MUC5AC: variants seen among roughly 807,000 people sequenced by gnomAD.
MUC5AC encodes mucin 5AC, oligomeric mucus/gel-forming.
Under a neutral mutation model 169.7 loss-of-function variants are expected in MUC5AC, and 158 were observed. That is an observed-to-expected ratio of 0.93 (90% CI 0.82 to 1.06). MUC5AC has a LOEUF of 1.06. Ranked by LOEUF, MUC5AC falls within the 50% of genes least tolerant of loss-of-function variation. MUC5AC has a pLI of 0.00. For missense variants in MUC5AC, 4,359 were observed against 3,089.9 expected (o/e 1.41, Z -9.74); for synonymous variants, 1,975 against 1,237.0 (o/e 1.60, Z -12.52).
At position 1,184,452 on chromosome 11, in the gene MUC5AC, G is replaced by A. The variant is rs1353093549; in HGVS notation, c.6307G>A (p.Val2103Ile). Residue 2103 changes from valine to isoleucine, a missense_variant, in exon 31 of 49, where the codon GTC (valine) becomes ATC (isoleucine). Val to Ile is a conservative substitution (Grantham distance 29, BLOSUM62 3). Transcript: ENST00000621226. ...CAGGGGTGGGCCCACAGCAACCAGC[G>A]TCACACAGGGCACCCACACCACACC... ...TSRGGPTATS[V>I]TQGTHTTPVT... 2.8e-3 allele frequency: 1,657 copies of A among 585,016 alleles called. 2 individuals are homozygous for A. Among genetic ancestry groups the A allele is most frequent in the African/African-American group, 0.02 (1,067 of 53,440 alleles). 36.2% of individuals were successfully genotyped at this position (585,016 alleles called of 1,614,324 possible).
At chr11:1,179,314 C>A in intron 26 of MUC5AC, 66 bp downstream of exon 26, 2 of 451,456 alleles carry the variant, frequency 4.4e-6, no homozygotes, top group Non-Finnish European at 7.6e-6. Context: ...ACCACACTCG[C>A]CGCTGATGCG....
chr11:1,173,746 AC>A (rs2133740222), intron 16 of MUC5AC, among the ~76,000 whole-genome samples: 3 of 147,466 alleles, frequency 2.0e-5, no homozygotes, highest in Non-Finnish European at 4.5e-5. Context: ...TCACTCACTC[AC>A]TCATCCACTC....
intron 16 of MUC5AC, among the ~76,000 whole-genome samples, chr11:1,173,304 C>CTCATCCACTCACTCAT (rs1383422815): frequency 1.4e-5 from 2 of 139,198 alleles, no homozygotes; most frequent in East Asian, 3.9e-4. Flanking sequence ...CACTCACTCA[C>CTCATCCACTCACTCAT]CCACTCACTC....
chr11:1,186,334 C>T lies in MUC5AC; in HGVS notation c.8189C>T (p.Thr2730Ile), dbSNP rs1413368966. Residue 2730 changes from threonine to isoleucine, a missense_variant, in exon 31 of 49, where the codon ACC becomes ATC. Coordinates refer to ENST00000621226, the MANE Select transcript of MUC5AC (RefSeq NM_001304359.2). ...ACCAGCACAATCTCGGCCCCAACAACCAGCACAACCTCTGCCACTACAACC... is the reference window on the plus strand; with the variant it reads ...ACCAGCACAATCTCGGCCCCAACAATCAGCACAACCTCTGCCACTACAACC... ...PTTSTISAPT[T>I]STTSATTTST... is the part of the protein sequence containing the mutation. The T allele has an allele frequency of 1.1e-5, 8 of 721,096 alleles. No individual in the cohort carries two copies. The African/African-American group carries it at 1.4e-4, about 13-fold the overall frequency. The allele number at this position is 721,096 out of a possible 1,614,324, so 44.7% of individuals were successfully genotyped here.
Position 1,176,243 on chromosome 11 carries a change from A to T in MUC5AC, c.2494A>T (p.Met832Leu). 1 of 398,642 alleles carries T rather than the reference A, an allele frequency of 2.5e-6. No homozygotes were observed. Among genetic ancestry groups the T allele is most frequent in the Non-Finnish European group, 4.4e-6 (1 of 226,086 alleles). 24.7% of individuals were successfully genotyped at this position (398,642 alleles called of 1,614,324 possible). A position where few individuals can be genotyped will look rare whatever the true frequency, so the allele number is the denominator to read the frequency against. ...GCQKSCHTLD[M>L]TCYSPQCVPG... is the part of the protein sequence containing the mutation. Reference sequence around the variant, plus strand: ...TCAGAAGAGCTGCCACACACTGGACATGACCTGTGTAAGTCCCTGAGGACT... The same window carrying T: ...TCAGAAGAGCTGCCACACACTGGACTTGACCTGTGTAAGTCCCTGAGGACT... The change falls in exon 20 of 49, where the codon ATG becomes TTG. Residue 832 changes from methionine to leucine, a missense_variant. Transcript: ENST00000621226.
intron 42 of MUC5AC, 129 bp from the exon 43 acceptor site, chr11:1,198,139 G>A: frequency 1.5e-6 from 1 of 684,300 alleles, no homozygotes; most frequent in Non-Finnish European, 2.7e-6. Flanking sequence ...CTTCCGCAGA[G>A]ATGAGGCTGG....
intron 19 of MUC5AC, among the ~76,000 whole-genome samples, chr11:1,175,837 G>GCACTTACACCCACTTATGCAA (rs1860667756): frequency 2.2e-5 from 2 of 91,288 alleles, no homozygotes; most frequent in Admixed American, 2.2e-4. Context: ...TCATGCACAC[G>GCACTTACACCCACTTATGCAA]CACTCACACA....
rs1554928442 is a variant in MUC5AC, at chr11:1,188,019, C to T, written c.9874C>T (p.Arg3292Cys). 13 of 759,702 alleles carry T rather than the reference C, an allele frequency of 1.7e-5. No homozygotes were observed. The highest frequency in any genetic ancestry group is 2.7e-5 in the South Asian group (2 of 74,018). 47.1% of individuals were successfully genotyped at this position (759,702 alleles called of 1,614,324 possible). A position where few individuals can be genotyped will look rare whatever the true frequency, so the allele number is the denominator to read the frequency against. Residue 3292 changes from arginine (R) to cysteine (C), a missense_variant, in exon 31 of 49, where the codon CGT becomes TGT. Coordinates refer to ENST00000621226, the MANE Select transcript of MUC5AC (RefSeq NM_001304359.2). ...CCTGGGCCAGGTGGTGCAGTGCAGC[C>T]GTGAAGAGGGCCTGGTGTGCCGGAA... is the stretch of plus-strand genomic sequence containing the variant. ...EHLGQVVQCS[R>C]EEGLVCRNQD...
At chr11:1,165,895 A>C in intron 11 of MUC5AC, 135 bp downstream of exon 11, 1 of 1,290,104 alleles carries the variant, frequency 7.8e-7, no homozygotes, top group Non-Finnish European at 1.1e-6. Context: ...TTGAGACCTC[A>C]AGGAAGCACT....
At chr11:1,160,201 T>C (rs748347047) in intron 1 of MUC5AC, among the ~76,000 whole-genome samples, 106 of 152,212 alleles carry the variant, frequency 7.0e-4, no homozygotes, top group Non-Finnish European at 1.3e-3. Flanking sequence ...CCAGGTGGTC[T>C]TGGGGCCGAC....
intron 5 of MUC5AC, 103 bp from the exon 6 acceptor site, chr11:1,162,852 C>T (rs546704807): frequency 1.6e-6 from 2 of 1,225,382 alleles, no homozygotes; most frequent in South Asian, 1.2e-5. Context: ...TCGGGGGTGT[C>T]TCTTCCGTGG....
rs1860866688 is a variant in MUC5AC, at chr11:1,183,856, C to G, written c.5711C>G (p.Thr1904Ser). 1 of 404,084 alleles carries G rather than the reference C, an allele frequency of 2.5e-6. No individual in the cohort carries two copies. The highest frequency in any genetic ancestry group is 1.2e-4 in the South Asian group (1 of 8,504). The allele number at this position is 404,084 out of a possible 1,614,324, so 25.0% of individuals were successfully genotyped here. A position where few individuals can be genotyped will look rare whatever the true frequency, so the allele number is the denominator to read the frequency against. ...ACGACACCTGCCCCAGGTACCGCTA[C>G]CTCTGTCAAAAAAACTTTCTCAACT... ...ARTTPAPGTA[T>S]SVKKTFSTPS... The change falls in exon 31 of 49, where the codon ACC (threonine) becomes AGC (serine). Residue 1904 changes from threonine to serine, a missense_variant. Coordinates refer to ENST00000621226, the MANE Select transcript of MUC5AC (RefSeq NM_001304359.2).
At position 1,179,148 on chromosome 11, in the gene MUC5AC, C is replaced by A; in HGVS notation, c.3384C>A (p.Ser1128=). The change falls in exon 26 of 49, where the codon TCC becomes TCA. Residue 1128 remains serine, a synonymous_variant. Coordinates refer to ENST00000621226, the MANE Select transcript of MUC5AC (RefSeq NM_001304359.2). The part of the protein sequence containing the change: ...ACVNDACACD[S]GGDCECFCTA... ...TGAACGACGCGTGCGCCTGCGACTC[C>A]GGGGGTGACTGCGAGTGCTTCTGCA... is the stretch of plus-strand genomic sequence containing the variant. The A allele has an allele frequency of 1.5e-6, 1 of 675,274 alleles. No individual in the cohort carries two copies. The highest frequency in any genetic ancestry group is 2.7e-6 in the Non-Finnish European group (1 of 370,218). The allele number at this position is 675,274 out of a possible 1,614,324, so 41.8% of individuals were successfully genotyped here. A position where few individuals can be genotyped will look rare whatever the true frequency, so the allele number is the denominator to read the frequency against.
At position 1,182,760 on chromosome 11, in the gene MUC5AC, A is replaced by T. The variant is rs1729544200; in HGVS notation, c.4615A>T (p.Thr1539Ser). 2.5e-6 allele frequency: 1 copy of T among 396,166 alleles called. No individual in the cohort carries two copies. Among genetic ancestry groups the T allele is most frequent in the South Asian group, 1.3e-4 (1 of 7,722 alleles). 24.5% of individuals were successfully genotyped at this position (396,166 alleles called of 1,614,324 possible). A position where few individuals can be genotyped will look rare whatever the true frequency, so the allele number is the denominator to read the frequency against. The stretch of plus-strand genomic sequence containing the variant: ...TACCTCTGTCAAAAAAACTTTCTCA[A>T]CTCCCAGCCCTCCGCCAGTGCCGGC... ...TATSVKKTFSTPSPPPVPATS... is the reference protein window; with the variant it reads ...TATSVKKTFSSPSPPPVPATS... The change falls in exon 31 of 49, where the codon ACT becomes TCT. Residue 1539 changes from threonine to serine, a missense_variant. Coordinates refer to ENST00000621226, the MANE Select transcript of MUC5AC (RefSeq NM_001304359.2).
In MUC5AC at chr11:1,200,930, T is replaced by G; in HGVS notation, c.*228T>G. 3.5e-5 allele frequency: 14 copies of G among 405,420 alleles called. No homozygotes were observed. Among genetic ancestry groups the G allele is most frequent in the Middle Eastern group, 6.4e-4 (1 of 1,556 alleles). 25.1% of individuals were successfully genotyped at this position (405,420 alleles called of 1,614,324 possible). A position where few individuals can be genotyped will look rare whatever the true frequency, so the allele number is the denominator to read the frequency against. ...CACCTCTCAGGACCAGCCCCGGGGC[T>G]GGCCGAGCTCCTCTGGCCATGCATC... On this transcript the variant is annotated 3_prime_UTR_variant, in exon 49 of 49. Transcript: ENST00000621226.
Position 1,185,083 on chromosome 11 carries a change from C to G in MUC5AC, c.6938C>G (p.Thr2313Ser). ...GGAAATACTCCCAGCCCTGTTCCTA[C>G]CACCAGCACAATCTCTGCTCCTACA... ...GPGNTPSPVP[T>S]TSTISAPTTS... The change falls in exon 31 of 49, where the codon ACC becomes AGC. Residue 2313 changes from threonine to serine, a missense_variant. Transcript: ENST00000621226. 1 of 715,292 alleles carries G rather than the reference C, an allele frequency of 1.4e-6. No homozygotes were observed. Among genetic ancestry groups the G allele is most frequent in the Non-Finnish European group, 2.6e-6 (1 of 391,262 alleles). The allele number at this position is 715,292 out of a possible 1,614,324, so 44.3% of individuals were successfully genotyped here. A position where few individuals can be genotyped will look rare whatever the true frequency, so the allele number is the denominator to read the frequency against.
At chr11:1,170,333 C>T (rs1860467299) in intron 15 of MUC5AC, among the ~76,000 whole-genome samples, 2 of 131,074 alleles carry the variant, frequency 1.5e-5, no homozygotes, top group African/African-American at 2.9e-5. Context: ...CTGACTCAAC[C>T]ATTCACTCAC....
Position 1,199,151 on chromosome 11 carries a change from C to G in MUC5AC, c.16361C>G (p.Thr5454Ser), listed in dbSNP as rs756268223. 7.8e-6 allele frequency: 6 copies of G among 764,534 alleles called. No homozygotes were observed. The highest frequency in any genetic ancestry group is 1.4e-5 in the Non-Finnish European group (6 of 417,712). 47.4% of individuals were successfully genotyped at this position (764,534 alleles called of 1,614,324 possible). ...ACCTGTGTGCAGGTCGCCTGTGTCA[C>G]CAACACCAGCAAGAGCCCCGCCCAC... ...CGTCVQVACVTNTSKSPAHLF... is the reference protein window; with the variant it reads ...CGTCVQVACVSNTSKSPAHLF... Residue 5454 changes from threonine (T) to serine (S), a missense_variant, in exon 45 of 49, where the codon ACC becomes AGC. Thr to Ser is a moderately conservative substitution (Grantham distance 58, BLOSUM62 1). Transcript: ENST00000621226.
intron 1 of MUC5AC, among the ~76,000 whole-genome samples, chr11:1,160,101 C>G (rs1052331637): frequency 1.3e-5 from 2 of 152,236 alleles, no homozygotes; most frequent in Non-Finnish European, 2.9e-5. Flanking sequence ...GGGCTGAAAT[C>G]TGGTGACATT....
Sources: allele counts gnomAD v4.1 joint callset (sites outside exome capture counted in the v4.1 genomes callset), GRCh38; gene constraint gnomAD v4.1.1; transcripts MANE v1.5; gene names NCBI Gene and HGNC (gene_info 2026-07-23, HGNC 2026-07-21).